ZBTB17: variants seen among roughly 807,000 people sequenced by gnomAD.
The protein encoded by ZBTB17 is zinc finger and BTB domain-containing protein 17.
Under a neutral mutation model 85.1 loss-of-function variants are expected in ZBTB17, and 24 were observed. The observed-to-expected ratio is 0.28, with a 90% CI of 0.20 to 0.40. The LOEUF is 0.40. Among genes scored for constraint, ZBTB17 ranks in the 10% least tolerant of loss-of-function variants. The probability of loss-of-function intolerance (pLI) is 1.00; values close to 1 mark genes in which losing one functional copy is unlikely to be tolerated. For synonymous variants in ZBTB17, 464 were observed against 460.2 expected (o/e 1.01, Z -0.11); for missense variants, 743 against 1,105.1 (o/e 0.67, Z 4.65).
rs774914885 is a variant in ZBTB17, at chr1:15,960,972, GGCGTGCTGGTGCATGCC to G, written c.-3+12050_-3+12066del. Among the ~76,000 whole-genome samples, 234 of 151,824 alleles carry G rather than the reference GGCGTGCTGGTGCATGCC, an allele frequency of 1.5e-3. 1 individual carries two copies. The highest frequency in any genetic ancestry group is 2.1e-3 in the Non-Finnish European group (145 of 67,924). On this transcript the variant is annotated intron_variant, in intron 2 of 15. Transcript: ENST00000375743. ...CAGAAAAAAATACAAAAATTAGCCA[GGCGTGCTGGTGCATGCC>G]TGTGGTCCCAGCTACTTGGGAGGCA...
At position 15,944,608 on chromosome 1, in the gene ZBTB17, G is replaced by A; in HGVS notation, c.1071-8C>T. On this transcript the variant is annotated splice_region_variant and splice_polypyrimidine_tract_variant and intron_variant, in intron 8 of 15. Coordinates refer to ENST00000375743, the MANE Select transcript of ZBTB17 (RefSeq NM_003443.3). ...CCGTAGGGCTTCAGAGGGCTGCAGG[G>A]CCAGAAGGCGACAGGAGGCAGGGCT... 1 of 1,599,576 alleles carries A rather than the reference G, an allele frequency of 6.3e-7. No individual in the cohort carries two copies. Among genetic ancestry groups the A allele is most frequent in the Non-Finnish European group, 8.5e-7 (1 of 1,179,576 alleles).
chr1:15,943,237 C>G (rs374243130), intron 12 of ZBTB17, 43 bp from the exon 13 acceptor site: 18 of 1,613,666 alleles, frequency 1.1e-5, no homozygotes, highest in Non-Finnish European at 1.4e-5. Flanking sequence ...CTGCCCCAAC[C>G]TGGGCCTCCT....
At position 15,973,557 on chromosome 1, in the gene ZBTB17, G is replaced by C. The variant is rs974112859; in HGVS notation, c.-89-432C>G. Reference sequence around the variant, plus strand: ...AACTACTAGCTGAACAGGTGCACTTGAATGTTTTACAGGCATCCAACTCCA... The same window carrying C: ...AACTACTAGCTGAACAGGTGCACTTCAATGTTTTACAGGCATCCAACTCCA... On this transcript the variant is annotated intron_variant, in intron 1 of 15. Transcript: ENST00000375743. This position sits in a 1 kb window ranked among gnomAD's most constrained non-coding sequence, Gnocchi z 4.1. Among the ~76,000 whole-genome samples the C allele has an allele frequency of 6.6e-6, 1 of 152,092 alleles. No homozygotes were observed. Among genetic ancestry groups the C allele is most frequent in the Non-Finnish European group, 1.5e-5 (1 of 68,022 alleles).
At chr1:15,956,470 T>C (rs1429306161) in intron 2 of ZBTB17, among the ~76,000 whole-genome samples, 1 of 152,222 alleles carries the variant, frequency 6.6e-6, no homozygotes, top group African/African-American at 2.4e-5. Context: ...GTACTTCTGG[T>C]GCTTGTTAAC....
At chr1:15,968,412 T>C (rs1290358079) in intron 2 of ZBTB17, among the ~76,000 whole-genome samples, 1 of 152,142 alleles carries the variant, frequency 6.6e-6, no homozygotes, top group African/African-American at 2.4e-5. Context: ...TAAGACCCTG[T>C]CCTGCATCCA....
chr1:15,969,999 G>A (rs1369213887), intron 2 of ZBTB17: 10 of 852,564 alleles, frequency 1.2e-5, no homozygotes, highest in East Asian at 2.7e-5. Flanking sequence ...AAATATGTTC[G>A]ATGGATAGCA....
chr1:15,943,781 G>A (rs2071460468), intron 10 of ZBTB17, 27 bp downstream of exon 10: 1 of 1,612,342 alleles, frequency 6.2e-7, no homozygotes, highest in Non-Finnish European at 8.5e-7. Flanking sequence ...AGGGGTGTGA[G>A]GGCAGCCAGG....
chr1:15,960,726 A>G (rs1395753108), intron 2 of ZBTB17, among the ~76,000 whole-genome samples: 1 of 152,268 alleles, frequency 6.6e-6, no homozygotes, highest in Non-Finnish European at 1.5e-5. Context: ...ATGGCCCATG[A>G]TGCTCTTGAA....
At chr1:15,947,835 G>A (rs990958490) in intron 3 of ZBTB17, among the ~76,000 whole-genome samples, 2 of 152,188 alleles carry the variant, frequency 1.3e-5, no homozygotes, top group African/African-American at 4.8e-5. Flanking sequence ...AGTCTGGGTT[G>A]GGAGTCTGAA....
chr1:15,961,091 G>A (rs2072242373), intron 2 of ZBTB17, among the ~76,000 whole-genome samples: 2 of 152,164 alleles, frequency 1.3e-5, no homozygotes, highest in South Asian at 4.1e-4. Context: ...TCCAGCCTGG[G>A]CAACAGAGTG....
At chr1:15,944,873 G>A in intron 7 of ZBTB17, 34 bp from the exon 8 acceptor site, 1 of 1,570,020 alleles carries the variant, frequency 6.4e-7, no homozygotes, top group Non-Finnish European at 8.6e-7. Flanking sequence ...GGTGTGAGGA[G>A]CAGCCGGTGG....
At chr1:15,968,385 G>A (rs961054738) in intron 2 of ZBTB17, among the ~76,000 whole-genome samples, 1 of 152,154 alleles carries the variant, frequency 6.6e-6, no homozygotes, top group Non-Finnish European at 1.5e-5. Context: ...GCTACACAGT[G>A]GCAGTACCAG....
chr1:15,954,073 C>T (rs2071959724), intron 2 of ZBTB17, among the ~76,000 whole-genome samples: 1 of 152,120 alleles, frequency 6.6e-6, no homozygotes, highest in Non-Finnish European at 1.5e-5. Flanking sequence ...AGCATGAAGA[C>T]AGGGAGGAAG....
At chr1:15,975,215 A>G (rs1019110879) in intron 1 of ZBTB17, among the ~76,000 whole-genome samples, 1 of 152,234 alleles carries the variant, frequency 6.6e-6, no homozygotes, top group African/African-American at 2.4e-5. Context: ...TTTACTTTGT[A>G]CCCATAAGTG....
At position 15,943,661 on chromosome 1, in the gene ZBTB17, A is replaced by G. The variant is rs1354977582; in HGVS notation, c.1514T>C (p.Ile505Thr). 5 of 1,612,664 alleles carry G rather than the reference A, an allele frequency of 3.1e-6. No homozygotes were observed. Among genetic ancestry groups the G allele is most frequent in the Non-Finnish European group, 4.2e-6 (5 of 1,179,814 alleles). Reference sequence around the variant, plus strand: ...GTCTGCAAACTGTCGCTGGCAGTGGATGCACACGTAGGGCTTCTCCCCGCT... The same window carrying G: ...GTCTGCAAACTGTCGCTGGCAGTGGGTGCACACGTAGGGCTTCTCCCCGCT... ...IHSGEKPYVC[I>T]HCQRQFADPG... is the part of the protein sequence containing the mutation. Residue 505 changes from isoleucine to threonine, a missense_variant, in exon 11 of 16, where the codon ATC becomes ACC. This residue lies in a region of ZBTB17 where 321 missense variants were observed against 615.7 expected (regional missense o/e 0.52). Coordinates refer to ENST00000375743, the MANE Select transcript of ZBTB17 (RefSeq NM_003443.3).
chr1:15,956,947 G>A (rs544727375), intron 2 of ZBTB17, among the ~76,000 whole-genome samples: 1 of 152,282 alleles, frequency 6.6e-6, no homozygotes, highest in South Asian at 2.1e-4. Flanking sequence ...TTGGGACGCT[G>A]AGGCGGGTGG....
chr1:15,973,605 C>G lies in ZBTB17; in HGVS notation c.-89-480G>C, dbSNP rs920360149. On this transcript the variant is annotated intron_variant, in intron 1 of 15. Coordinates refer to ENST00000375743, the MANE Select transcript of ZBTB17 (RefSeq NM_003443.3). This position sits in a 1 kb window ranked among gnomAD's most constrained non-coding sequence, Gnocchi z 4.1. ...CCAACATGTTCAAAACTAAACATAT[C>G]TGCCCTCCCCCAGATCTGCTCCCCG... Among the ~76,000 whole-genome samples, 7 of 152,152 alleles carry G rather than the reference C, an allele frequency of 4.6e-5. No individual in the cohort carries two copies. Among genetic ancestry groups the G allele is most frequent in the African/African-American group, 1.4e-4 (6 of 41,434 alleles).
chr1:15,951,281 T>A lies in ZBTB17; in HGVS notation c.-2-2784A>T. The stretch of plus-strand genomic sequence containing the variant: ...GAGGAAGAAGTGAAGATGGGCAAAG[T>A]AAGGGAAGGAAAGGAGAGAGAAGAA... On this transcript the variant is annotated intron_variant, in intron 2 of 15. Transcript: ENST00000375743. This position sits in a 1 kb window ranked among gnomAD's most constrained non-coding sequence, Gnocchi z 4.1. 7.8e-6 allele frequency among the ~76,000 whole-genome samples: 1 copy of A among 127,910 alleles called. No individual in the cohort carries two copies. Among genetic ancestry groups the A allele is most frequent in the African/African-American group, 3.0e-5 (1 of 33,244 alleles). The allele number at this position is 127,910 out of a possible 152,430, so 83.9% of individuals were successfully genotyped here.
chr1:15,959,926 A>G (rs1172291570), intron 2 of ZBTB17, among the ~76,000 whole-genome samples: 1 of 152,244 alleles, frequency 6.6e-6, no homozygotes, highest in Admixed American at 6.5e-5. Flanking sequence ...AAAATTTCTC[A>G]TGAGGGAAAT....
Sources: gnomAD v4.1 joint callset for allele counts (sites outside exome capture counted in the v4.1 genomes callset) on GRCh38, gnomAD v4.1.1 for gene constraint, gnomAD v4.1.1 regional missense constraint, Gnocchi (gnomAD v3.1) non-coding constraint, MANE v1.5 for transcripts, NCBI Gene and HGNC (gene_info 2026-07-23, HGNC 2026-07-21) for gene names.